The following SIGLEC9 variants were observed in gnomAD, a reference collection of about 807,000 sequenced individuals.
The protein encoded by SIGLEC9 is sialic acid-binding Ig-like lectin 9.
In SIGLEC9, 26 loss-of-function variants were observed where a neutral mutation model predicts 38.3. The observed-to-expected ratio is 0.68, with a 90% CI of 0.50 to 0.94. SIGLEC9 has a LOEUF of 0.94. SIGLEC9 is among the 40% of genes least tolerant of loss of function. The pLI, the probability that SIGLEC9 is intolerant of heterozygous loss-of-function variation, is 0.00. For synonymous variants in SIGLEC9, 236 were observed against 248.0 expected (o/e 0.95, Z 0.45); for missense variants, 556 against 585.7 (o/e 0.95, Z 0.52).
downstream of SIGLEC9, among the ~76,000 whole-genome samples, chr19:51,134,726 T>A (rs994197260): frequency 6.6e-6 from 1 of 152,210 alleles, no homozygotes; most frequent in African/African-American, 2.4e-5. Flanking sequence ...ATCTCAATTT[T>A]ATTCATTTCA....
At chr19:51,132,913 G>T (rs2092024504), downstream of SIGLEC9, among the ~76,000 whole-genome samples, 1 of 151,922 alleles carries the variant, frequency 6.6e-6, no homozygotes, top group South Asian at 2.1e-4. Context: ...TCAGTTGTCT[G>T]CATATTGATT....
chr19:51,131,582 T>C (rs2092015163), downstream of SIGLEC9, among the ~76,000 whole-genome samples: 1 of 146,206 alleles, frequency 6.8e-6, no homozygotes, highest in African/African-American at 2.6e-5. Flanking sequence ...CGAGACTCCG[T>C]CTCAAAAAAA....
At chr19:51,128,350 A>G in intron 5 of SIGLEC9, 64 bp from the exon 6 acceptor site, 1 of 1,546,498 alleles carries the variant, frequency 6.5e-7, no homozygotes, top group Non-Finnish European at 8.9e-7. Flanking sequence ...ACATGGGGGT[A>G]CCTGGTCTGC....
At chr19:51,128,277 G>A in intron 5 of SIGLEC9, 137 bp from the exon 6 acceptor site, 1 of 1,054,388 alleles carries the variant, frequency 9.5e-7, no homozygotes, top group African/African-American at 1.6e-5. Flanking sequence ...CAACCTTGGG[G>A]TCTCTAAGAC....
At chr19:51,125,540 C>T in intron 1 of SIGLEC9, 57 bp from the exon 2 acceptor site, 1 of 1,595,646 alleles carries the variant, frequency 6.3e-7, no homozygotes, top group Non-Finnish European at 8.5e-7. Flanking sequence ...CTGAGCTCCC[C>T]CCAGGGCTGC....
chr19:51,125,443 G>A (rs376498740), intron 1 of SIGLEC9, 48 bp downstream of exon 1: 84 of 1,552,532 alleles, frequency 5.4e-5, no homozygotes, highest in Middle Eastern at 3.5e-4. Flanking sequence ...TCATGGGGGC[G>A]GCAGGGAAAG....
At chr19:51,132,331 C>T (rs1048659443), downstream of SIGLEC9, among the ~76,000 whole-genome samples, 3 of 152,036 alleles carry the variant, frequency 2.0e-5, no homozygotes, top group African/African-American at 7.3e-5. Flanking sequence ...GGGGGGTGCA[C>T]GGCAACATAT....
downstream of SIGLEC9, among the ~76,000 whole-genome samples, chr19:51,130,883 T>C (rs1161407951): frequency 6.6e-6 from 1 of 152,230 alleles, no homozygotes; most frequent in Admixed American, 6.5e-5. Context: ...TGTTGGTTCA[T>C]ACCTCAGTCC....
rs771488550 is a variant in SIGLEC9 at position 51,127,971 on chromosome 19, T to G, written c.1038T>G (p.Thr346=). 4 of 1,613,656 alleles carry G rather than the reference T, an allele frequency of 2.5e-6. No individual in the cohort carries two copies. In the Admixed American group the frequency reaches 6.7e-5, roughly 27 times the overall value. ...SLQSKATSGV[T]QGVVGGAGAT... ...CAGGCAAAGCCACATCAGGAGTGAC[T>G]CAGGGGGTGGTCGGGGGAGCTGGAG... Residue 346 remains threonine, a synonymous_variant, in exon 5 of 7, where the codon ACT becomes ACG. Transcript: ENST00000250360.
downstream of SIGLEC9, among the ~76,000 whole-genome samples, chr19:51,134,016 G>A (rs1017183346): frequency 9.9e-5 from 15 of 152,054 alleles, no homozygotes; most frequent in Admixed American, 9.2e-4. Context: ...TTCAAGAACA[G>A]GCCAAACTAA....
intron 2 of SIGLEC9, 94 bp downstream of exon 2, chr19:51,125,969 G>A (rs1234452512): frequency 1.3e-6 from 2 of 1,587,156 alleles, no homozygotes; most frequent in Non-Finnish European, 1.7e-6. Context: ...CTGGTGGTGG[G>A]GTCAGGAGGA....
At position 51,125,747 on chromosome 19, in the gene SIGLEC9, C is replaced by G. The variant is rs750182336; in HGVS notation, c.572C>G (p.Ser191Cys). The change falls in exon 2 of 7, where the codon TCC (serine) becomes TGC (cysteine). Residue 191 changes from serine to cysteine, a missense_variant. Physicochemically the swap from Ser to Cys is moderately radical, Grantham distance 112. Transcript: ENST00000250360. The stretch of plus-strand genomic sequence containing the variant: ...ACCTCCGTGTCCCCCCTGGACCCCT[C>G]CACCACCCGCTCCTCGGTGCTCACC... ...IGTSVSPLDP[S>C]TTRSSVLTLI... is the part of the protein sequence containing the mutation. 5.6e-6 allele frequency: 9 copies of G among 1,614,070 alleles called. No individual in the cohort carries two copies. Among genetic ancestry groups the G allele is most frequent in the Non-Finnish European group, 7.6e-6 (9 of 1,179,974 alleles).
Position 51,125,203 on chromosome 19 carries a change from A to C in SIGLEC9, c.229A>C (p.Asn77His). The C allele has an allele frequency of 6.2e-6, 10 of 1,614,066 alleles. No individual in the cohort carries two copies. Among genetic ancestry groups the C allele is most frequent in the Non-Finnish European group, 8.5e-6 (10 of 1,179,984 alleles). Residue 77 changes from asparagine (N) to histidine (H), a missense_variant, in exon 1 of 7, where the codon AAC becomes CAC. Asn to His is a moderately conservative substitution (Grantham distance 68, BLOSUM62 1). Transcript: ENST00000250360. ...NTDQDAPVAT[N>H]NPARAVWEET... is the part of the protein sequence containing the mutation. The stretch of plus-strand genomic sequence containing the variant: ...AGACCAGGATGCTCCAGTGGCCACA[A>C]ACAACCCAGCTCGGGCAGTGTGGGA...
rs139102535 is a variant in SIGLEC9, at chr19:51,125,015, G to T, written c.41G>T (p.Arg14Met). ...LLLPLLWGRE[R>M]AEGQTSKLLT... is the part of the protein sequence containing the mutation. Reference sequence around the variant, plus strand: ...CTGCCCCTGCTCTGGGGGAGGGAGAGGGCGGAAGGACAGACAAGTAAACTG... The same window carrying T: ...CTGCCCCTGCTCTGGGGGAGGGAGATGGCGGAAGGACAGACAAGTAAACTG... Residue 14 changes from arginine (R) to methionine (M), a missense_variant, in exon 1 of 7, where the codon AGG becomes ATG. Transcript: ENST00000250360. 1.8e-4 allele frequency: 284 copies of T among 1,612,364 alleles called. 2 individuals carry two copies. The African/African-American group carries it at 3.3e-3, about 18-fold the overall frequency.
intron 4 of SIGLEC9, 102 bp downstream of exon 4, chr19:51,127,398 G>A: frequency 7.7e-7 from 1 of 1,306,534 alleles, no homozygotes. Flanking sequence ...GCTCCGCTCT[G>A]GTCTGTGCTC....
chr19:51,123,830 C>A (rs746832623), upstream of SIGLEC9, among the ~76,000 whole-genome samples: 1 of 152,178 alleles, frequency 6.6e-6, no homozygotes, highest in Non-Finnish European at 1.5e-5. Flanking sequence ...GGAGGCTCCA[C>A]CACACAGGAT....
At chr19:51,126,330 C>T (rs946204582) in intron 3 of SIGLEC9, among the ~76,000 whole-genome samples, 7 of 152,100 alleles carry the variant, frequency 4.6e-5, no homozygotes, top group African/African-American at 1.7e-4. Flanking sequence ...ACACACCCCC[C>T]CCTCAGCCTC....
rs563960012 is a variant in SIGLEC9, at chr19:51,125,915, G to A, written c.700+40G>A. Reference sequence around the variant, plus strand: ...GGGACGCCTGGGTCCCTGATGGGGTGAGCGTCAAGCCTGGACACTGGGTGC... The same window carrying A: ...GGGACGCCTGGGTCCCTGATGGGGTAAGCGTCAAGCCTGGACACTGGGTGC... On this transcript the variant is annotated intron_variant, in intron 2 of 6. Transcript: ENST00000250360. The A allele has an allele frequency of 6.0e-5, 97 of 1,612,794 alleles. 3 individuals carry two copies. In the South Asian group the frequency reaches 9.2e-4, roughly 15 times the overall value.
At chr19:51,135,800 A>C (rs2092038430) in intron 6 of SIGLEC9, among the ~76,000 whole-genome samples, 1 of 151,142 alleles carries the variant, frequency 6.6e-6, no homozygotes, top group Admixed American at 6.6e-5. Flanking sequence ...TTTTTGTCTG[A>C]TTGGGTTGAT....
Sources: gnomAD v4.1 joint callset for allele counts (sites outside exome capture counted in the v4.1 genomes callset) on GRCh38, gnomAD v4.1.1 for gene constraint, MANE v1.5 for transcripts, NCBI Gene and HGNC (gene_info 2026-07-23, HGNC 2026-07-21) for gene names.